The following KCNH7 variants were observed in gnomAD, a reference collection of about 807,000 sequenced individuals.
KCNH7 encodes potassium voltage-gated channel subfamily H member 7.
KCNH7 carries 49 observed loss-of-function variants against 120.8 expected under a neutral mutation model. The observed-to-expected ratio is 0.41, with a 90% CI of 0.32 to 0.51. KCNH7 has a LOEUF of 0.51. KCNH7 is among the 20% of genes least tolerant of loss of function. The pLI, the probability that KCNH7 is intolerant of heterozygous loss-of-function variation, is 0.38. For missense variants in KCNH7, 1,097 were observed against 1,446.6 expected (o/e 0.76, Z 3.92); for synonymous variants, 547 against 516.1 (o/e 1.06, Z -0.81).
intron 2 of KCNH7, among the ~76,000 whole-genome samples, chr2:162,670,472 A>AG (rs1685309239): frequency 6.9e-6 from 1 of 145,232 alleles, no homozygotes; most frequent in African/African-American, 2.6e-5. Flanking sequence ...AACTCTGTCA[A>AG]AAAAAAAAAA....
At chr2:162,559,148 A>G (rs747485305) in intron 2 of KCNH7, among the ~76,000 whole-genome samples, 1 of 150,894 alleles carries the variant, frequency 6.6e-6, no homozygotes, top group African/African-American at 2.4e-5. Flanking sequence ...TCTAGTTTTT[A>G]TTTTTCAATG....
At chr2:162,392,682 G>A (rs950177351) in intron 12 of KCNH7, among the ~76,000 whole-genome samples, 4 of 151,914 alleles carry the variant, frequency 2.6e-5, no homozygotes, top group South Asian at 2.1e-4. Flanking sequence ...AAATAATGAT[G>A]CAAATAAACC....
chr2:162,380,092 A>G (rs902091121), intron 13 of KCNH7, 71 bp from the exon 14 acceptor site: 9 of 1,536,914 alleles, frequency 5.9e-6, no homozygotes, highest in Admixed American at 3.4e-5. Flanking sequence ...ATAGATATCC[A>G]CAAGACAAGC....
At chr2:162,592,129 A>C (rs536353949) in intron 2 of KCNH7, among the ~76,000 whole-genome samples, 1 of 152,188 alleles carries the variant, frequency 6.6e-6, no homozygotes, top group Non-Finnish European at 1.5e-5. Context: ...AGAATAGTGT[A>C]CTAGGTTGGT....
chr2:162,403,064 C>G (rs922799277), intron 9 of KCNH7, among the ~76,000 whole-genome samples: 1 of 151,858 alleles, frequency 6.6e-6, no homozygotes, highest in Non-Finnish European at 1.5e-5. Context: ...AGAGTTGTGG[C>G]CACAATTTAA....
At chr2:162,688,528 C>T (rs1354826543) in intron 2 of KCNH7, among the ~76,000 whole-genome samples, 1 of 152,070 alleles carries the variant, frequency 6.6e-6, no homozygotes, top group South Asian at 2.1e-4. Context: ...ACACAGTAGT[C>T]TCTTTTAGTT....
At chr2:162,722,235 G>C (rs539257219) in intron 2 of KCNH7, among the ~76,000 whole-genome samples, 84 of 152,060 alleles carry the variant, frequency 5.5e-4, no homozygotes, top group Non-Finnish European at 9.9e-4. Context: ...TAGATATAGT[G>C]ATGAAGTAAG....
intron 2 of KCNH7, among the ~76,000 whole-genome samples, chr2:162,833,314 G>A (rs539827735): frequency 6.6e-6 from 1 of 151,948 alleles, no homozygotes; most frequent in South Asian, 2.1e-4. Context: ...CTTTCCACTT[G>A]CATCATCTAA....
At chr2:162,659,343 CTTT>C (rs35576044) in intron 2 of KCNH7, among the ~76,000 whole-genome samples, 3 of 138,344 alleles carry the variant, frequency 2.2e-5, no homozygotes, top group Non-Finnish European at 1.6e-5. Flanking sequence ...GCATATAATT[CTTT>C]TTTTTTTTTT....
chr2:162,694,658 C>G (rs904868046), intron 2 of KCNH7, among the ~76,000 whole-genome samples: 3 of 152,124 alleles, frequency 2.0e-5, no homozygotes, highest in Non-Finnish European at 4.4e-5. Flanking sequence ...TTTGGCAAAA[C>G]TACTAAGAGG....
At chr2:162,810,601 T>G (rs1559144495) in intron 2 of KCNH7, among the ~76,000 whole-genome samples, 2 of 152,204 alleles carry the variant, frequency 1.3e-5, no homozygotes, top group Non-Finnish European at 1.5e-5. Context: ...CTGCTCTCAG[T>G]CCGCATTACC....
At chr2:162,434,960 C>T (rs1367781581) in intron 8 of KCNH7, among the ~76,000 whole-genome samples, 1 of 151,950 alleles carries the variant, frequency 6.6e-6, no homozygotes, top group Admixed American at 6.6e-5. Context: ...GTTTCAATTC[C>T]TGAAACCATG....
intron 2 of KCNH7, among the ~76,000 whole-genome samples, chr2:162,592,629 C>T (rs905721997): frequency 6.6e-6 from 1 of 152,086 alleles, no homozygotes; most frequent in African/African-American, 2.4e-5. Context: ...CTTACTATCT[C>T]TCCCTCCAGG....
intron 6 of KCNH7, among the ~76,000 whole-genome samples, chr2:162,459,231 C>T (rs888962157): frequency 6.6e-6 from 1 of 151,772 alleles, no homozygotes; most frequent in Non-Finnish European, 1.5e-5. Flanking sequence ...ATTCCTAGGG[C>T]TTAGCACAGT....
At chr2:162,645,219 C>A (rs1296741871) in intron 2 of KCNH7, among the ~76,000 whole-genome samples, 1 of 152,050 alleles carries the variant, frequency 6.6e-6, no homozygotes, top group Admixed American at 6.5e-5. Flanking sequence ...GTGATCTTGG[C>A]TCACTGCAAC....
At chr2:162,548,829 A>G (rs1264059390) in intron 2 of KCNH7, among the ~76,000 whole-genome samples, 1 of 152,220 alleles carries the variant, frequency 6.6e-6, no homozygotes, top group African/African-American at 2.4e-5. Flanking sequence ...ATGATTAAAT[A>G]AGCAGTATCT....
intron 2 of KCNH7, among the ~76,000 whole-genome samples, chr2:162,665,535 A>G (rs12619429): frequency 0.18 from 26,629 of 152,116 alleles, 2,706 homozygotes; most frequent in East Asian, 0.46. Context: ...TTGTCATTTC[A>G]TAAATGGAGT....
chr2:162,837,951 A>G (rs886093314), intron 1 of KCNH7, among the ~76,000 whole-genome samples: 6 of 152,222 alleles, frequency 3.9e-5, no homozygotes, highest in African/African-American at 1.2e-4. Flanking sequence ...TTTAGCTTCT[A>G]TAAATTAATA....
intron 2 of KCNH7, among the ~76,000 whole-genome samples, chr2:162,550,820 A>G (rs1692643375): frequency 2.6e-5 from 4 of 152,038 alleles, no homozygotes; most frequent in Admixed American, 2.6e-4. Flanking sequence ...AAAATGTGGC[A>G]AAATACTATG....
Sources: allele counts gnomAD v4.1 joint callset (sites outside exome capture counted in the v4.1 genomes callset), GRCh38; gene constraint gnomAD v4.1.1; transcripts MANE v1.5; gene names NCBI Gene and HGNC (gene_info 2026-07-23, HGNC 2026-07-21).